The following MRPL18 variants were observed in gnomAD, a reference collection of about 807,000 sequenced individuals.
The protein encoded by MRPL18 is large ribosomal subunit protein uL18m.
A neutral mutation model predicts 20.9 loss-of-function variants in MRPL18; 16 were observed. That is an observed-to-expected ratio of 0.76 (90% CI 0.52 to 1.16). MRPL18 has a LOEUF of 1.16. MRPL18 is among the 50% of genes most tolerant of loss of function. The probability of loss-of-function intolerance (pLI) is 0.00; values close to 1 mark genes in which losing one functional copy is unlikely to be tolerated. For synonymous variants in MRPL18, 91 were observed against 87.1 expected (o/e 1.04, Z -0.25); for missense variants, 233 against 230.6 (o/e 1.01, Z -0.07).
upstream of MRPL18, chr6:159,789,815 G>T: frequency 2.6e-6 from 1 of 380,092 alleles, no homozygotes. Flanking sequence ...TTGGACCGCT[G>T]GGAAGAGGTT....
chr6:159,791,053 C>T lies in MRPL18; in HGVS notation c.166C>T (p.Leu56=), dbSNP rs1457085061. The T allele has an allele frequency of 1.9e-6, 3 of 1,614,220 alleles. No homozygotes were observed. Among genetic ancestry groups the T allele is most frequent in the Non-Finnish European group, 2.5e-6 (3 of 1,180,044 alleles). The change falls in exon 2 of 4, where the codon CTG becomes TTG. Residue 56 remains leucine (L), a synonymous_variant. Coordinates refer to ENST00000367034, the MANE Select transcript of MRPL18 (RefSeq NM_014161.5). Reference sequence around the variant, plus strand: ...ATTCACCAACCGGAACCCCCGGAACCTGGAGCTTTTATCTGTAGCCAGGAA... The same window carrying T: ...ATTCACCAACCGGAACCCCCGGAACTTGGAGCTTTTATCTGTAGCCAGGAA... ...PEFTNRNPRN[L]ELLSVARKER...
intron 2 of MRPL18, among the ~76,000 whole-genome samples, chr6:159,796,967 T>C (rs1781044373): frequency 6.6e-6 from 1 of 152,188 alleles, no homozygotes; most frequent in Non-Finnish European, 1.5e-5. Flanking sequence ...AGAGTAAGTA[T>C]ATCCATGTCA....
upstream of MRPL18, chr6:159,790,179 C>T: frequency 3.9e-6 from 1 of 257,306 alleles, no homozygotes; most frequent in South Asian, 6.3e-5. Flanking sequence ...GCATCTTGCC[C>T]TGCCTTATTC....
At position 159,790,679 on chromosome 6, in the gene MRPL18, G is replaced by C. The variant is rs1449413937; in HGVS notation, c.52+40G>C. ...CCCCCTTCTCCCAGCTCACTCGCCT[G>C]GGCTTGCACAGTACATTGGAACGTG... On this transcript the variant is annotated intron_variant, in intron 1 of 3. Coordinates refer to ENST00000367034, the MANE Select transcript of MRPL18 (RefSeq NM_014161.5). The C allele has an allele frequency of 3.1e-6, 5 of 1,609,810 alleles. No homozygotes were observed. In the Admixed American group the frequency reaches 8.3e-5, roughly 27 times the overall value.
chr6:159,790,831 C>A, intron 1 of MRPL18, 109 bp from the exon 2 acceptor site: 2 of 1,448,402 alleles, frequency 1.4e-6, no homozygotes, highest in South Asian at 2.6e-5. Flanking sequence ...TTTTTCGTCC[C>A]CTCGGGCCTA....
intron 2 of MRPL18, among the ~76,000 whole-genome samples, chr6:159,791,833 A>G (rs1317361370): frequency 6.6e-6 from 1 of 152,142 alleles, no homozygotes; most frequent in African/African-American, 2.4e-5. Flanking sequence ...TGAACCCAGG[A>G]GGCGGAGGTT....
intron 2 of MRPL18, among the ~76,000 whole-genome samples, chr6:159,793,046 C>T (rs530811895): frequency 2.0e-5 from 3 of 150,350 alleles, no homozygotes; most frequent in East Asian, 3.9e-4. Context: ...AGGCTGGTCT[C>T]GAGCTCTTGA....
At position 159,790,546 on chromosome 6, in the gene MRPL18, G is replaced by C. The variant is rs201676646; in HGVS notation, c.-42G>C. The C allele has an allele frequency of 4.3e-6, 7 of 1,613,848 alleles. No individual in the cohort carries two copies. The highest frequency in any genetic ancestry group is 2.7e-5 in the African/African-American group (2 of 74,924). On this transcript the variant is annotated 5_prime_UTR_variant, in exon 1 of 4. Transcript: ENST00000367034. ...CTCCTGGCGAGCGACTGAGTCGTCC[G>C]TGAGGAAAAAGAGGCGAGGCTTTTC...
chr6:159,789,977 G>T (rs1299791728), upstream of MRPL18: 3 of 179,734 alleles, frequency 1.7e-5, no homozygotes, highest in Admixed American at 5.5e-5. Context: ...AGCGAGTCGT[G>T]CGTTTTAGGT....
chr6:159,794,405 AG>A lies in MRPL18; in HGVS notation c.240-2881del, dbSNP rs1780982221. ...AGTTTCTGCAGCTAAAAAAAAATAT[AG>A]AAAAAATAATAGAATTGAGACATAA... On this transcript the variant is annotated intron_variant, in intron 2 of 3. Transcript: ENST00000367034. 6.6e-5 allele frequency among the ~76,000 whole-genome samples: 10 copies of A among 152,352 alleles called. No individual in the cohort carries two copies. The South Asian group carries it at 2.1e-3, about 32-fold the overall frequency.
chr6:159,795,374 C>T (rs142313128), intron 2 of MRPL18, among the ~76,000 whole-genome samples: 3,328 of 152,328 alleles, frequency 0.022, 133 homozygotes, highest in African/African-American at 0.076. Context: ...CAATACCTGG[C>T]TTTCCTAGGC....
At position 159,798,032 on chromosome 6, in the gene MRPL18, T is replaced by G; in HGVS notation, c.472-20T>G. ...CTGCTGACTTAATCTTTTCCTTTTTTTTCTGATTTTCAAAACCAGATGAAA... is the reference window on the plus strand; with the variant it reads ...CTGCTGACTTAATCTTTTCCTTTTTGTTCTGATTTTCAAAACCAGATGAAA... On this transcript the variant is annotated intron_variant, in intron 3 of 3. Transcript: ENST00000367034. The G allele has an allele frequency of 6.2e-7, 1 of 1,608,258 alleles. No individual in the cohort carries two copies. Among genetic ancestry groups the G allele is most frequent in the Non-Finnish European group, 8.5e-7 (1 of 1,176,110 alleles).
chr6:159,796,754 G>A (rs1480834542), intron 2 of MRPL18, among the ~76,000 whole-genome samples: 1 of 152,072 alleles, frequency 6.6e-6, no homozygotes, highest in Admixed American at 6.5e-5. Context: ...GCTGTACTCC[G>A]AGCTGGGTGA....
chr6:159,790,731 C>T (rs1780858216), intron 1 of MRPL18, 92 bp downstream of exon 1: 6 of 1,548,284 alleles, frequency 3.9e-6, no homozygotes, highest in South Asian at 3.4e-5. Context: ...TTCGACGTGC[C>T]GGATCGAAAT....
chr6:159,792,248 A>G (rs1780920120), intron 2 of MRPL18, among the ~76,000 whole-genome samples: 1 of 152,160 alleles, frequency 6.6e-6, no homozygotes, highest in African/African-American at 2.4e-5. Context: ...GTAAGTGTTT[A>G]TCAGGTTTAT....
intron 2 of MRPL18, among the ~76,000 whole-genome samples, chr6:159,793,930 T>A (rs1780972135): frequency 6.6e-6 from 1 of 151,652 alleles, no homozygotes; most frequent in African/African-American, 2.4e-5. Context: ...AAAAAGAGAT[T>A]GTGATTTTTT....
intron 1 of MRPL18, 41 bp downstream of exon 1, chr6:159,790,680 G>C (rs1307548297): frequency 6.2e-6 from 10 of 1,609,950 alleles, no homozygotes; most frequent in East Asian, 2.2e-5. Context: ...CACTCGCCTG[G>C]GCTTGCACAG....
At chr6:159,793,177 T>A (rs946445815) in intron 2 of MRPL18, among the ~76,000 whole-genome samples, 1 of 152,176 alleles carries the variant, frequency 6.6e-6, no homozygotes, top group South Asian at 2.1e-4. Context: ...TAACTAAAGA[T>A]GTATTTCCTC....
At position 159,790,535 on chromosome 6, in the gene MRPL18, C is replaced by T. The variant is rs1780844996; in HGVS notation, c.-53C>T. 1.2e-6 allele frequency: 2 copies of T among 1,613,232 alleles called. No individual in the cohort carries two copies. The highest frequency in any genetic ancestry group is 1.7e-5 in the Admixed American group (1 of 60,010). ...TTATATGGCTGCTCCTGGCGAGCGA[C>T]TGAGTCGTCCGTGAGGAAAAAGAGG... On this transcript the variant is annotated 5_prime_UTR_variant, in exon 1 of 4. Transcript: ENST00000367034.
Sources: allele counts gnomAD v4.1 joint callset (sites outside exome capture counted in the v4.1 genomes callset), GRCh38; gene constraint gnomAD v4.1.1; transcripts MANE v1.5; gene names NCBI Gene and HGNC (gene_info 2026-07-23, HGNC 2026-07-21).